The following SLC10A6 variants were observed in gnomAD, a reference collection of about 807,000 sequenced individuals.
SLC10A6 encodes sodium-dependent organic anion transporter.
In SLC10A6, 27 loss-of-function variants were observed where a neutral mutation model predicts 30.0. The observed-to-expected ratio is 0.90, with a 90% CI of 0.66 to 1.24. The LOEUF (loss-of-function observed/expected upper bound fraction) is 1.24. Among genes scored for constraint, SLC10A6 ranks in the 50% most tolerant of loss-of-function variants. The pLI is 0.00. For missense variants in SLC10A6, 439 were observed against 457.0 expected (o/e 0.96, Z 0.36); for synonymous variants, 166 against 173.8 (o/e 0.95, Z 0.36).
intron 1 of SLC10A6, among the ~76,000 whole-genome samples, chr4:86,845,598 C>T (rs865990712): frequency 3.9e-5 from 6 of 152,080 alleles, no homozygotes; most frequent in Admixed American, 6.6e-5. Flanking sequence ...ACTGCAAAGC[C>T]GTAATGGAGA....
chr4:86,844,608 C>A (rs1383339066), intron 1 of SLC10A6, among the ~76,000 whole-genome samples: 1 of 152,174 alleles, frequency 6.6e-6, no homozygotes, highest in African/African-American at 2.4e-5. Flanking sequence ...TTCTGAGAAC[C>A]CTGCTGCTGC....
intron 1 of SLC10A6, among the ~76,000 whole-genome samples, chr4:86,847,680 T>G (rs2149414540): frequency 6.6e-6 from 1 of 152,258 alleles, no homozygotes; most frequent in South Asian, 2.1e-4. Context: ...ACGCTAAACA[T>G]TCAGCACAAG....
intron 3 of SLC10A6, among the ~76,000 whole-genome samples, chr4:86,831,300 T>C (rs562616446): frequency 6.6e-6 from 1 of 152,230 alleles, no homozygotes; most frequent in South Asian, 2.1e-4. Context: ...TAAACAGTCT[T>C]ATTCATGTAG....
chr4:86,833,291 C>T lies in SLC10A6; in HGVS notation c.496+15G>A. The T allele has an allele frequency of 6.4e-7, 1 of 1,565,320 alleles. No individual in the cohort carries two copies. The highest frequency in any genetic ancestry group is 1.1e-5 in the South Asian group (1 of 88,968). On this transcript the variant is annotated intron_variant, in intron 2 of 5. Coordinates refer to ENST00000273905, the MANE Select transcript of SLC10A6 (RefSeq NM_197965.3). ...CCATTACTGTTAGTCCTCCATTTCCCAGGCCCATACAGACCTATGTTCTGA... is the reference window on the plus strand; with the variant it reads ...CCATTACTGTTAGTCCTCCATTTCCTAGGCCCATACAGACCTATGTTCTGA...
Position 86,849,126 on chromosome 4 carries a change from C to A in SLC10A6, c.-11G>T. The A allele has an allele frequency of 1.9e-6, 3 of 1,599,640 alleles. No individual in the cohort carries two copies. Among genetic ancestry groups the A allele is most frequent in the Non-Finnish European group, 2.6e-6 (3 of 1,172,276 alleles). On this transcript the variant is annotated 5_prime_UTR_variant, in exon 1 of 6. Coordinates refer to ENST00000273905, the MANE Select transcript of SLC10A6 (RefSeq NM_197965.3). ...ACAATTGGCTCTCATCTCCTCATCT[C>A]CTTAAGGCAGCATTACAAATGAACA...
intron 1 of SLC10A6, among the ~76,000 whole-genome samples, chr4:86,835,371 A>G (rs1746162404): frequency 6.6e-6 from 1 of 152,206 alleles, no homozygotes; most frequent in African/African-American, 2.4e-5. Flanking sequence ...TCCTATGATT[A>G]GAAACTGTGA....
At chr4:86,831,721 C>A in intron 3 of SLC10A6, 71 bp downstream of exon 3, 1 of 1,258,154 alleles carries the variant, frequency 7.9e-7, no homozygotes, top group Non-Finnish European at 1.1e-6. Flanking sequence ...CTTGTCCCAG[C>A]CACTGCTCAC....
chr4:86,845,041 G>A (rs1746369515), intron 1 of SLC10A6, among the ~76,000 whole-genome samples: 1 of 152,130 alleles, frequency 6.6e-6, no homozygotes, highest in African/African-American at 2.4e-5. Context: ...TTCGAGATGA[G>A]AATTGGGTGG....
chr4:86,838,641 A>T (rs549590028), intron 1 of SLC10A6, among the ~76,000 whole-genome samples: 69 of 152,278 alleles, frequency 4.5e-4, no homozygotes, highest in Non-Finnish European at 7.1e-4. Context: ...ATGCTCTCCC[A>T]GCAGGGCATG....
At chr4:86,832,379 T>C (rs1045275502) in intron 2 of SLC10A6, among the ~76,000 whole-genome samples, 1 of 151,904 alleles carries the variant, frequency 6.6e-6, no homozygotes, top group Non-Finnish European at 1.5e-5. Flanking sequence ...CCAAGGTGGG[T>C]GGACTGCCTG....
At chr4:86,845,132 T>C (rs1047267193) in intron 1 of SLC10A6, among the ~76,000 whole-genome samples, 1 of 152,160 alleles carries the variant, frequency 6.6e-6, no homozygotes. Flanking sequence ...AACCCAGCCA[T>C]GATCAGCCAA....
rs143930076 is a variant in SLC10A6, at chr4:86,835,745, AAG to A, written c.378-2323_378-2322del. Among the ~76,000 whole-genome samples the A allele has an allele frequency of 6.1e-4, 92 of 149,726 alleles. 1 individual carries two copies. The highest frequency in any genetic ancestry group is 6.8e-3 in the Middle Eastern group (2 of 292). On this transcript the variant is annotated intron_variant, in intron 1 of 5. Coordinates refer to ENST00000273905, the MANE Select transcript of SLC10A6 (RefSeq NM_197965.3). ...GAAAAGGAGAAGAAAGAAAGAAAGA[AAG>A]AGAGAGAGAGAGAGAAAGAAAAGAA...
chr4:86,832,326 C>T (rs760231404), intron 2 of SLC10A6, among the ~76,000 whole-genome samples: 1 of 152,122 alleles, frequency 6.6e-6, no homozygotes, highest in Non-Finnish European at 1.5e-5. Flanking sequence ...TAGTGTTGGC[C>T]AGGCACGGTG....
chr4:86,827,965 A>G lies in SLC10A6; in HGVS notation c.761+28T>C, dbSNP rs746554757. ...CAGTGTGTTAAATTTACCTTCCTCA[A>G]AAAAGTTTATGGATAGTTTAACTAT... On this transcript the variant is annotated intron_variant, in intron 4 of 5. Transcript: ENST00000273905. 3.1e-6 allele frequency: 5 copies of G among 1,598,688 alleles called. No individual in the cohort carries two copies. In the Admixed American group the frequency reaches 5.2e-5, roughly 17 times the overall value.
At chr4:86,843,294 G>A (rs1194854384) in intron 1 of SLC10A6, among the ~76,000 whole-genome samples, 1 of 152,120 alleles carries the variant, frequency 6.6e-6, no homozygotes, top group East Asian at 1.9e-4. Context: ...GCAAAGATGA[G>A]CAAGCCTTCC....
chr4:86,844,535 G>C (rs150475080), intron 1 of SLC10A6, among the ~76,000 whole-genome samples: 1 of 152,344 alleles, frequency 6.6e-6, no homozygotes, highest in Non-Finnish European at 1.5e-5. Flanking sequence ...CCAATGGAAT[G>C]TGGTGGAAGG....
chr4:86,842,821 TC>T lies in SLC10A6; in HGVS notation c.377+5917del, dbSNP rs1746318788. Among the ~76,000 whole-genome samples the T allele has an allele frequency of 2.3e-3, 71 of 30,816 alleles. 8 individuals are homozygous for T. The highest frequency in any genetic ancestry group is 0.011 in the African/African-American group (36 of 3,354). The allele number at this position is 30,816 out of a possible 152,430, so 20.2% of individuals were successfully genotyped here. A position where few individuals can be genotyped will look rare whatever the true frequency, so the allele number is the denominator to read the frequency against. On this transcript the variant is annotated intron_variant, in intron 1 of 5. Transcript: ENST00000273905. ...TTCTTTCTTTCTTTCTTTCTTTCTT[TC>T]TTTCTTTCTTTCTTTCTTTCTTTCT... is the stretch of plus-strand genomic sequence containing the variant.
intron 1 of SLC10A6, among the ~76,000 whole-genome samples, chr4:86,836,905 C>A (rs974839769): frequency 7.9e-5 from 12 of 151,938 alleles, no homozygotes; most frequent in East Asian, 3.9e-4. Flanking sequence ...TTACAGATGC[C>A]CACCACCACA....
chr4:86,848,951 G>T lies in SLC10A6; in HGVS notation c.165C>A (p.Ile55=). The change falls in exon 1 of 6, where the codon ATC becomes ATA. Residue 55 remains isoleucine, a synonymous_variant. Coordinates refer to ENST00000273905, the MANE Select transcript of SLC10A6 (RefSeq NM_197965.3). ...TCCTGATGTGCGACCACAGCTTCCG[G>T]ATCTCCACGGAACATCCCAAAGAGA... ...LMFSLGCSVE[I]RKLWSHIRRP... 6.2e-7 allele frequency: 1 copy of T among 1,614,086 alleles called. No homozygotes were observed. The highest frequency in any genetic ancestry group is 8.5e-7 in the Non-Finnish European group (1 of 1,180,008).
Sources: gnomAD v4.1 joint callset for allele counts (sites outside exome capture counted in the v4.1 genomes callset) on GRCh38, gnomAD v4.1.1 for gene constraint, MANE v1.5 for transcripts, NCBI Gene and HGNC (gene_info 2026-07-23, HGNC 2026-07-21) for gene names.